Variants in ULK4 observed in about 807,000 individuals in gnomAD.
ULK4 encodes the protein inactive serine/threonine-protein kinase ULK4.
ULK4 carries 133 observed loss-of-function variants against 160.6 expected under a neutral mutation model. That is an observed-to-expected ratio of 0.83 (90% CI 0.72 to 0.96). The LOEUF is 0.96. ULK4 is among the 40% of genes least tolerant of loss of function. The pLI is 0.00. For missense variants in ULK4, 1,580 were observed against 1,499.5 expected, an observed-to-expected ratio of 1.05 and a Z score of -0.89; for synonymous variants, 534 against 539.8, an observed-to-expected ratio of 0.99 and a Z score of 0.15.
At chr3:41,757,947 G>A (rs1220861533) in intron 21 of ULK4, among the ~76,000 whole-genome samples, 1 of 152,116 alleles carries the variant, frequency 6.6e-6, no homozygotes, top group African/African-American at 2.4e-5. Flanking sequence ...GATTTTACCT[G>A]CTATGGGCTG....
chr3:41,557,928 C>G (rs1336066316), intron 32 of ULK4, among the ~76,000 whole-genome samples: 1 of 152,034 alleles, frequency 6.6e-6, no homozygotes, highest in Non-Finnish European at 1.5e-5. Context: ...TACAAAACAT[C>G]TCTGAAGAAC....
chr3:41,747,529 TAGTGTTATAAACTGAATTCTGTTCCCCCC>T (rs1474325381), intron 22 of ULK4, among the ~76,000 whole-genome samples: 5 of 152,100 alleles, frequency 3.3e-5, no homozygotes, highest in Admixed American at 6.6e-5. Flanking sequence ...ACTAGCTTCT[TAGTGTTATAAACTGAATTCTGTTCCCCCC>T]AAAATTCATA....
chr3:41,309,648 T>A (rs57013766), intron 35 of ULK4, among the ~76,000 whole-genome samples: 23,541 of 152,136 alleles, frequency 0.15, 2,160 homozygotes, highest in African/African-American at 0.25. Flanking sequence ...TTATAGGAAT[T>A]CTAAATGTTT....
intron 5 of ULK4, among the ~76,000 whole-genome samples, chr3:41,930,033 T>C (rs1029843536): frequency 3.9e-5 from 6 of 151,986 alleles, no homozygotes; most frequent in Non-Finnish European, 2.9e-5. Context: ...TAGCCAAGAC[T>C]ATCCTAAGCA....
At chr3:41,867,013 A>T (rs1696912600) in intron 17 of ULK4, among the ~76,000 whole-genome samples, 1 of 152,198 alleles carries the variant, frequency 6.6e-6, no homozygotes. Context: ...CTAGAGATTT[A>T]AAAATCTTAT....
At chr3:41,901,538 T>A (rs1698364466) in intron 12 of ULK4, among the ~76,000 whole-genome samples, 1 of 133,808 alleles carries the variant, frequency 7.5e-6, no homozygotes. Flanking sequence ...TGGAATGCAG[T>A]GGCACAATCT....
At chr3:41,556,186 T>G (rs1235690963) in intron 32 of ULK4, among the ~76,000 whole-genome samples, 5 of 152,166 alleles carry the variant, frequency 3.3e-5, no homozygotes, top group African/African-American at 4.8e-5. Context: ...TAAAAGTTTT[T>G]AAAAAGCACA....
intron 35 of ULK4, among the ~76,000 whole-genome samples, chr3:41,394,685 G>C (rs779725379): frequency 6.6e-6 from 1 of 152,036 alleles, no homozygotes; most frequent in Non-Finnish European, 1.5e-5. Flanking sequence ...TTTGAACCCT[G>C]GCAAATTGGA....
chr3:41,730,549 G>C (rs149672151), intron 22 of ULK4, among the ~76,000 whole-genome samples: 1 of 152,090 alleles, frequency 6.6e-6, no homozygotes, highest in Admixed American at 6.5e-5. Flanking sequence ...GATACACGCA[G>C]TCTATCAAAA....
chr3:41,616,154 T>G (rs1044564891), intron 30 of ULK4, among the ~76,000 whole-genome samples: 3 of 152,176 alleles, frequency 2.0e-5, no homozygotes, highest in African/African-American at 7.2e-5. Context: ...ATTTTAATGA[T>G]CTTTAATTTT....
At chr3:41,435,556 A>G (rs2083014876) in intron 34 of ULK4, among the ~76,000 whole-genome samples, 1 of 152,250 alleles carries the variant, frequency 6.6e-6, no homozygotes, top group Non-Finnish European at 1.5e-5. Flanking sequence ...CTGAGAATAA[A>G]TAGTAACTTT....
chr3:41,823,079 T>C (rs376868202), intron 18 of ULK4, among the ~76,000 whole-genome samples: 1 of 149,470 alleles, frequency 6.7e-6, no homozygotes, highest in South Asian at 2.1e-4. Flanking sequence ...TGATGAGTGC[T>C]ATAAAGAAAA....
chr3:41,627,407 G>C (rs2033565115), intron 30 of ULK4, among the ~76,000 whole-genome samples: 1 of 152,156 alleles, frequency 6.6e-6, no homozygotes, highest in African/African-American at 2.4e-5. Flanking sequence ...CTCATAAAAA[G>C]AGTAGACAAG....
intron 32 of ULK4, among the ~76,000 whole-genome samples, chr3:41,485,549 A>C (rs2084496024): frequency 6.6e-6 from 1 of 152,224 alleles, no homozygotes; most frequent in South Asian, 2.1e-4. Flanking sequence ...TCTATACAGC[A>C]GGGCATCTAT....
intron 21 of ULK4, among the ~76,000 whole-genome samples, chr3:41,770,742 G>A (rs533043153): frequency 2.6e-5 from 4 of 152,068 alleles, no homozygotes; most frequent in Non-Finnish European, 4.4e-5. Context: ...TGAACTCCTG[G>A]CCTCAAGTGA....
At chr3:41,920,468 A>G (rs1166323465) in intron 5 of ULK4, among the ~76,000 whole-genome samples, 1 of 152,166 alleles carries the variant, frequency 6.6e-6, no homozygotes, top group African/African-American at 2.4e-5. Flanking sequence ...TATTACACAG[A>G]AATCCCATAT....
chr3:41,536,041 G>A (rs1261782497), intron 32 of ULK4, among the ~76,000 whole-genome samples: 1 of 152,164 alleles, frequency 6.6e-6, no homozygotes, highest in Non-Finnish European at 1.5e-5. Context: ...AACAGCAAGA[G>A]GATTTGCACA....
intron 19 of ULK4, among the ~76,000 whole-genome samples, chr3:41,811,664 T>C (rs2040823570): frequency 6.6e-6 from 1 of 152,222 alleles, no homozygotes; most frequent in African/African-American, 2.4e-5. Flanking sequence ...TTAATAAATG[T>C]TGCACGAATG....
At chr3:41,415,215 G>A (rs1370105220) in intron 34 of ULK4, among the ~76,000 whole-genome samples, 2 of 152,178 alleles carry the variant, frequency 1.3e-5, no homozygotes, top group Admixed American at 1.3e-4. Flanking sequence ...AACCACAGAG[G>A]ATAAATGTGT....
Sources: gnomAD v4.1 joint callset for allele counts (sites outside exome capture counted in the v4.1 genomes callset) on GRCh38, gnomAD v4.1.1 for gene constraint, MANE v1.5 for transcripts, NCBI Gene and HGNC (gene_info 2026-07-23, HGNC 2026-07-21) for gene names.